Variants in PDE4D observed in about 807,000 individuals in gnomAD.
The protein encoded by PDE4D is 3',5'-cyclic-AMP phosphodiesterase 4D.
PDE4D carries 24 observed loss-of-function variants against 87.4 expected under a neutral mutation model. The observed-to-expected ratio is 0.27, with a 90% CI of 0.20 to 0.39. The LOEUF is 0.39. Ranked by LOEUF, PDE4D falls within the 10% of genes least tolerant of loss-of-function variation. The probability of loss-of-function intolerance (pLI) is 1.00; values close to 1 mark genes in which losing one functional copy is unlikely to be tolerated. For missense variants in PDE4D, 714 were observed against 1,041.0 expected (o/e 0.69, Z 4.32); for synonymous variants, 384 against 383.2 (o/e 1.00, Z -0.02).
intron 2 of PDE4D, among the ~76,000 whole-genome samples, chr5:60,184,989 A>G (rs12515241): frequency 6.6e-6 from 1 of 152,180 alleles, no homozygotes; most frequent in Admixed American, 6.5e-5. Context: ...TTTAAAAAGT[A>G]TCATGACTGT....
chr5:60,073,298 G>C (rs1772929343), intron 2 of PDE4D, among the ~76,000 whole-genome samples: 1 of 152,056 alleles, frequency 6.6e-6, no homozygotes, highest in Non-Finnish European at 1.5e-5. Flanking sequence ...TCCTGTTTAT[G>C]TGATGAATCA....
intron 1 of PDE4D, among the ~76,000 whole-genome samples, chr5:60,358,790 T>C (rs1426509497): frequency 6.6e-6 from 1 of 152,182 alleles, no homozygotes; most frequent in African/African-American, 2.4e-5. Flanking sequence ...CCTATGTTTT[T>C]CCCTGAATTT....
At chr5:59,989,411 T>C (rs564892875) in intron 2 of PDE4D, among the ~76,000 whole-genome samples, 6 of 152,132 alleles carry the variant, frequency 3.9e-5, no homozygotes, top group African/African-American at 1.4e-4. Context: ...TGTATATTTA[T>C]ATATATCTTT....
At chr5:59,337,332 C>A (rs7703452) in intron 1 of PDE4D, among the ~76,000 whole-genome samples, 36 of 146,264 alleles carry the variant, frequency 2.5e-4, no homozygotes, top group Admixed American at 1.3e-3. Context: ...TTCCCCCCCC[C>A]CCACCTTTTT....
chr5:59,479,113 A>G (rs1803806348), intron 1 of PDE4D, among the ~76,000 whole-genome samples: 2 of 145,226 alleles, frequency 1.4e-5, no homozygotes, highest in Non-Finnish European at 3.0e-5. Flanking sequence ...GCATCTACTC[A>G]GAGTTGCTAT....
chr5:59,985,638 G>A (rs1363062207), intron 3 of PDE4D, among the ~76,000 whole-genome samples: 1 of 152,062 alleles, frequency 6.6e-6, no homozygotes, highest in Non-Finnish European at 1.5e-5. Context: ...TGAAACCCTT[G>A]TTCCATCTTT....
At chr5:59,011,719 G>A (rs1004751537) in intron 6 of PDE4D, among the ~76,000 whole-genome samples, 7 of 152,166 alleles carry the variant, frequency 4.6e-5, no homozygotes, top group Middle Eastern at 3.2e-3. Flanking sequence ...AACCAAGTTG[G>A]AAAACACTCT....
intron 1 of PDE4D, among the ~76,000 whole-genome samples, chr5:59,417,706 T>C (rs899315218): frequency 3.9e-5 from 6 of 152,210 alleles, no homozygotes; most frequent in African/African-American, 1.4e-4. Context: ...CAAAATTATG[T>C]AGTTCTATCC....
At chr5:59,483,013 T>A (rs1043090238) in intron 1 of PDE4D, among the ~76,000 whole-genome samples, 5 of 152,132 alleles carry the variant, frequency 3.3e-5, no homozygotes, top group African/African-American at 9.7e-5. Flanking sequence ...CCTCATCCAA[T>A]CAGCTGAAGG....
intron 1 of PDE4D, among the ~76,000 whole-genome samples, chr5:59,724,661 ACC>A (rs1246076181): frequency 6.6e-6 from 1 of 151,990 alleles, no homozygotes; most frequent in East Asian, 1.9e-4. Flanking sequence ...CCCTTCTCTA[ACC>A]CCCTTTCTCC....
chr5:59,900,287 C>CACACAT (rs142366012), intron 3 of PDE4D, among the ~76,000 whole-genome samples: 42,455 of 144,428 alleles, frequency 0.29, 7,812 homozygotes, highest in Admixed American at 0.42. Context: ...CACACACACA[C>CACACAT]ATATATATAT....
intron 1 of PDE4D, among the ~76,000 whole-genome samples, chr5:59,757,664 G>T (rs3898713): frequency 0.18 from 26,676 of 152,032 alleles, 3,068 homozygotes; most frequent in South Asian, 0.26. Context: ...TGAACTAGCC[G>T]GCCATCATTC....
At chr5:60,038,478 A>T (rs1582303642) in intron 2 of PDE4D, among the ~76,000 whole-genome samples, 1 of 151,944 alleles carries the variant, frequency 6.6e-6, no homozygotes, top group East Asian at 1.9e-4. Context: ...TGTTCCACTG[A>T]TCTATATCTC....
At chr5:59,342,783 CTCT>C (rs113008752) in intron 1 of PDE4D, among the ~76,000 whole-genome samples, 3,095 of 152,130 alleles carry the variant, frequency 0.02, 115 homozygotes, top group African/African-American at 0.071. Flanking sequence ...CACACCCCTC[CTCT>C]TTTCAAAAAA....
chr5:59,758,593 G>T (rs1761579403), intron 1 of PDE4D, among the ~76,000 whole-genome samples: 1 of 152,254 alleles, frequency 6.6e-6, no homozygotes, highest in South Asian at 2.1e-4. Context: ...TAGTAAAAGA[G>T]AATTTTAAAT....
At chr5:59,376,061 T>C (rs1784675580) in intron 1 of PDE4D, among the ~76,000 whole-genome samples, 2 of 152,120 alleles carry the variant, frequency 1.3e-5, no homozygotes, top group African/African-American at 4.8e-5. Flanking sequence ...CCATCAATGA[T>C]ATACCCACAG....
chr5:59,286,489 A>G (rs1000288501), intron 1 of PDE4D, among the ~76,000 whole-genome samples: 14 of 152,204 alleles, frequency 9.2e-5, no homozygotes, highest in Admixed American at 2.6e-4. Context: ...AAATTTTTTA[A>G]AACTTATTTA....
chr5:59,551,915 G>A (rs1414328883), intron 1 of PDE4D, among the ~76,000 whole-genome samples: 2 of 151,952 alleles, frequency 1.3e-5, no homozygotes, highest in Non-Finnish European at 2.9e-5. Context: ...CTAGAATCTT[G>A]TGCTATTTAA....
chr5:60,300,905 G>A (rs564931559), intron 1 of PDE4D, among the ~76,000 whole-genome samples: 3 of 152,102 alleles, frequency 2.0e-5, no homozygotes, highest in East Asian at 3.9e-4. Flanking sequence ...TGAGTACCTG[G>A]GATTACAGGT....
Sources: allele counts gnomAD v4.1 joint callset (sites outside exome capture counted in the v4.1 genomes callset), GRCh38; gene constraint gnomAD v4.1.1; transcripts MANE v1.5; gene names NCBI Gene and HGNC (gene_info 2026-07-23, HGNC 2026-07-21).